Variants in AKAP8 observed in about 807,000 individuals in gnomAD.
AKAP8 encodes the protein A-kinase anchoring protein 8.
Under a neutral mutation model 67.5 loss-of-function variants are expected in AKAP8, and 24 were observed. The observed-to-expected ratio is 0.36, with a 90% confidence interval of 0.26 to 0.50. AKAP8 has a LOEUF of 0.50. Among genes scored for constraint, AKAP8 ranks in the 20% least tolerant of loss-of-function variants. The pLI, the probability that AKAP8 is intolerant of heterozygous loss-of-function variation, is 0.97. For synonymous variants in AKAP8, 400 were observed against 371.1 expected (o/e 1.08, Z -0.90); for missense variants, 971 against 955.9 (o/e 1.02, Z -0.21).
At chr19:15,359,665 C>A (rs977730763) in intron 12 of AKAP8, among the ~76,000 whole-genome samples, 1 of 152,064 alleles carries the variant, frequency 6.6e-6, no homozygotes, top group African/African-American at 2.4e-5. Flanking sequence ...TGAGATTGTA[C>A]CACTGCATTC....
intron 9 of AKAP8, among the ~76,000 whole-genome samples, chr19:15,364,997 G>A (rs1967046404): frequency 6.6e-6 from 1 of 152,216 alleles, no homozygotes. Context: ...TTCCCCAGCT[G>A]AAGAATGGGA....
At chr19:15,376,415 T>G (rs187914864) in intron 2 of AKAP8, among the ~76,000 whole-genome samples, 1 of 151,936 alleles carries the variant, frequency 6.6e-6, no homozygotes, top group Non-Finnish European at 1.5e-5. Flanking sequence ...CTCGGGAGGC[T>G]GCGGCTGCAG....
At position 15,369,842 on chromosome 19, in the gene AKAP8, T is replaced by C. The variant is rs947846087; in HGVS notation, c.1072+304A>G. 2.6e-5 allele frequency among the ~76,000 whole-genome samples: 4 copies of C among 152,174 alleles called. No homozygotes were observed. Among genetic ancestry groups the C allele is most frequent in the Admixed American group, 6.5e-5 (1 of 15,280 alleles). On this transcript the variant is annotated intron_variant, in intron 8 of 13. Coordinates refer to ENST00000269701, the MANE Select transcript of AKAP8 (RefSeq NM_005858.4). This position sits in a 1 kb window ranked among gnomAD's most constrained non-coding sequence, Gnocchi z 4.6. Reference sequence around the variant, plus strand: ...CAGAAGATGGGCTGGGGGCCTCTTCTCTCATGTTTCTCCTTCCCTACAAAC... The same window carrying C: ...CAGAAGATGGGCTGGGGGCCTCTTCCCTCATGTTTCTCCTTCCCTACAAAC...
At position 15,368,339 on chromosome 19, in the gene AKAP8, C is replaced by G. The variant is rs761715483; in HGVS notation, c.1073-17G>C. On this transcript the variant is annotated splice_polypyrimidine_tract_variant and intron_variant, in intron 8 of 13. Coordinates refer to ENST00000269701, the MANE Select transcript of AKAP8 (RefSeq NM_005858.4). ...CCTTCTCTCCTGTAACAGACAAGTCCCTTCGAGACGCTCTGAGTGGCCTGC... is the reference window on the plus strand; with the variant it reads ...CCTTCTCTCCTGTAACAGACAAGTCGCTTCGAGACGCTCTGAGTGGCCTGC... 1 of 1,613,238 alleles carries G rather than the reference C, an allele frequency of 6.2e-7. No individual in the cohort carries two copies. Among genetic ancestry groups the G allele is most frequent in the African/African-American group, 1.3e-5 (1 of 74,944 alleles).
rs1206799902 is a variant in AKAP8, at chr19:15,363,863, A to G, written c.1161-1612T>C. ...CTGTTGATCTGTGACCTTACCCCCAACCCTGTGCTCTCTGAAACATGTGCT... is the reference window on the plus strand; with the variant it reads ...CTGTTGATCTGTGACCTTACCCCCAGCCCTGTGCTCTCTGAAACATGTGCT... On this transcript the variant is annotated intron_variant, in intron 9 of 13. Transcript: ENST00000269701. Among the ~76,000 whole-genome samples the G allele has an allele frequency of 3.3e-5, 5 of 151,142 alleles. 1 individual carries two copies. In the East Asian group the frequency reaches 7.8e-4, roughly 24 times the overall value.
In AKAP8 at chr19:15,373,060, C is replaced by CAG; in HGVS notation, c.650_651dup (p.Glu218LeufsTer11). ...TCGTTCCAGGGCGTGGACAGGGGCT[C>CAG]AGAGGACGCAGCGGGGGGCACGAAG... On this transcript the variant is annotated frameshift_variant, in exon 5 of 14. Transcript: ENST00000269701. LOFTEE classifies it high-confidence loss of function. 1 of 1,606,834 alleles carries CAG rather than the reference C, an allele frequency of 6.2e-7. No individual in the cohort carries two copies.
rs1450454437 is a variant in AKAP8, at chr19:15,379,653, G to A, written c.19+60C>T. 5 of 1,563,522 alleles carry A rather than the reference G, an allele frequency of 3.2e-6. No homozygotes were observed. In the East Asian group the frequency reaches 7.4e-5, roughly 23 times the overall value. ...CCCGGCCGGCGGCAGTCTGCGCAGC[G>A]GCTGCGTCGCCCGCACAGAGCCTTC... On this transcript the variant is annotated intron_variant, in intron 1 of 13. Transcript: ENST00000269701.
intron 9 of AKAP8, among the ~76,000 whole-genome samples, chr19:15,364,031 C>T (rs1003584291): frequency 4.3e-5 from 6 of 138,950 alleles, no homozygotes; most frequent in African/African-American, 1.1e-4. Flanking sequence ...TCTCCCTCTG[C>T]GAGAAACACC....
intron 8 of AKAP8, chr19:15,368,561 G>C (rs1457477194): frequency 2.0e-6 from 2 of 985,140 alleles, no homozygotes; most frequent in African/African-American, 3.5e-5. Flanking sequence ...GGCCAGGATG[G>C]GCTAGGGACA....
In AKAP8 at chr19:15,362,058, G is replaced by A. The variant is rs1358333933; in HGVS notation, c.1302+52C>T. The A allele has an allele frequency of 3.1e-6, 5 of 1,603,250 alleles. No homozygotes were observed. In the Admixed American group the frequency reaches 8.6e-5, roughly 27 times the overall value. ...TTCCCTTCCTCCTTCAAGGGATCCG[G>A]CACCTGCGGGATGGGCAAGAGACGC... On this transcript the variant is annotated intron_variant, in intron 10 of 13. Transcript: ENST00000269701.
At chr19:15,374,781 C>G in intron 2 of AKAP8, 146 bp from the exon 3 acceptor site, 1 of 830,092 alleles carries the variant, frequency 1.2e-6, no homozygotes. Context: ...GTGTTTTTAG[C>G]TCACTCAACT....
At position 15,357,362 on chromosome 19, in the gene AKAP8, G is replaced by T. The variant is rs1358286962; in HGVS notation, c.1623+1605C>A. 2.3e-5 allele frequency among the ~76,000 whole-genome samples: 3 copies of T among 129,706 alleles called. No homozygotes were observed. The Admixed American group carries it at 2.8e-4, about 12-fold the overall frequency. The allele number at this position is 129,706 out of a possible 152,430, so 85.1% of individuals were successfully genotyped here. On this transcript the variant is annotated intron_variant, in intron 13 of 13. Coordinates refer to ENST00000269701, the MANE Select transcript of AKAP8 (RefSeq NM_005858.4). The stretch of plus-strand genomic sequence containing the variant: ...GAGAACGGCATGAACCCAGGACACA[G>T]AGCTTGCAGTGAGCCGGGATCGCAC...
chr19:15,354,734 C>T lies in AKAP8; in HGVS notation c.*181G>A. On this transcript the variant is annotated 3_prime_UTR_variant, in exon 14 of 14. Coordinates refer to ENST00000269701, the MANE Select transcript of AKAP8 (RefSeq NM_005858.4). ...CAGCTTTGAAACCTGGGCAAGAAGC[C>T]ACACGACTGCATGAGACAAGCCGTG... is the stretch of plus-strand genomic sequence containing the variant. The T allele has an allele frequency of 1.5e-6, 1 of 668,168 alleles. No individual in the cohort carries two copies. The highest frequency in any genetic ancestry group is 2.7e-5 in the East Asian group (1 of 36,570). 41.4% of individuals were successfully genotyped at this position (668,168 alleles called of 1,614,324 possible).
intron 7 of AKAP8, 152 bp downstream of exon 7, chr19:15,371,800 T>G: frequency 1.1e-6 from 1 of 889,254 alleles, no homozygotes; most frequent in Middle Eastern, 2.3e-4. Flanking sequence ...GGTGGAAAAC[T>G]TTTAGAAATC....
At chr19:15,378,416 G>A (rs561097327) in intron 1 of AKAP8, among the ~76,000 whole-genome samples, 65 of 152,228 alleles carry the variant, frequency 4.3e-4, no homozygotes, top group Non-Finnish European at 7.5e-4. Flanking sequence ...GTGTCTGAAA[G>A]GTTTTCGGCA....
chr19:15,357,708 CTTTTTTTTTTT>C (rs869102920), intron 13 of AKAP8, among the ~76,000 whole-genome samples: 1 of 120,996 alleles, frequency 8.3e-6, no homozygotes, highest in African/African-American at 3.1e-5. Context: ...TTTCCTCCCT[CTTTTTTTTTTT>C]TTTTTTTTTT....
chr19:15,375,868 G>C lies in AKAP8; in HGVS notation c.58+1108C>G, dbSNP rs1399067747. On this transcript the variant is annotated intron_variant, in intron 2 of 13. Transcript: ENST00000269701. ...TTAGCCAGGATGGTCTCGATCTCCT[G>C]ACCTCGTGATCTGCCCGCCTCGGCC... Among the ~76,000 whole-genome samples, 5 of 151,760 alleles carry C rather than the reference G, an allele frequency of 3.3e-5. No individual in the cohort carries two copies. The East Asian group carries it at 9.8e-4, about 30-fold the overall frequency.
intron 13 of AKAP8, among the ~76,000 whole-genome samples, chr19:15,355,736 C>T (rs1380170369): frequency 6.6e-6 from 1 of 151,066 alleles, no homozygotes; most frequent in Non-Finnish European, 1.5e-5. Flanking sequence ...CCGGCCCATT[C>T]TGCAATTTTT....
chr19:15,362,329 G>C (rs1045320270), intron 9 of AKAP8, 78 bp from the exon 10 acceptor site: 1 of 1,523,426 alleles, frequency 6.6e-7, no homozygotes, highest in Non-Finnish European at 9.0e-7. Context: ...TCACCTCTGA[G>C]GAGAGCTGAA....
Sources: gnomAD v4.1 joint callset for allele counts (sites outside exome capture counted in the v4.1 genomes callset) on GRCh38, gnomAD v4.1.1 for gene constraint, Gnocchi (gnomAD v3.1) non-coding constraint, MANE v1.5 for transcripts, NCBI Gene and HGNC (gene_info 2026-07-23, HGNC 2026-07-21) for gene names.